RGL1: variants seen among roughly 807,000 people sequenced by gnomAD.
RGL1 encodes the protein ral guanine nucleotide dissociation stimulator like 1.
RGL1 carries 24 observed loss-of-function variants against 95.2 expected under a neutral mutation model. The observed-to-expected ratio is 0.25, with a 90% CI of 0.18 to 0.35. The LOEUF (loss-of-function observed/expected upper bound fraction) is 0.35. Among genes scored for constraint, RGL1 ranks in the 10% least tolerant of loss-of-function variants. The probability of loss-of-function intolerance (pLI) is 1.00; values close to 1 mark genes in which losing one functional copy is unlikely to be tolerated. For missense variants in RGL1, 715 were observed against 936.3 expected, an observed-to-expected ratio of 0.76 and a Z score of 3.08; for synonymous variants, 329 against 344.9, an observed-to-expected ratio of 0.95 and a Z score of 0.51.
At chr1:183,862,061 G>T (rs1366763799) in intron 3 of RGL1, among the ~76,000 whole-genome samples, 1 of 151,926 alleles carries the variant, frequency 6.6e-6, no homozygotes, top group Non-Finnish European at 1.5e-5. Context: ...TGCAGGGATG[G>T]CCTGGCATGT....
chr1:183,704,891 G>A (rs943563807), intron 1 of RGL1, among the ~76,000 whole-genome samples: 6 of 152,226 alleles, frequency 3.9e-5, no homozygotes, highest in African/African-American at 1.4e-4. Context: ...AGGCAGGCAG[G>A]CCATCCAAGA....
At position 183,795,234 on chromosome 1, in the gene RGL1, G is replaced by T. The variant is rs202083622; in HGVS notation, c.133-11141G>T. ...ATTATTTATTGAGCATCTGCTATGT[G>T]CTAGGCACAGTGTGAGGTGCTAGAA... On this transcript the variant is annotated intron_variant, in intron 2 of 18. Transcript: ENST00000304685. Among the ~76,000 whole-genome samples, 3 of 152,218 alleles carry T rather than the reference G, an allele frequency of 2.0e-5. No individual in the cohort carries two copies. The East Asian group carries it at 5.8e-4, about 29-fold the overall frequency.
intron 7 of RGL1, among the ~76,000 whole-genome samples, chr1:183,886,242 T>C (rs958337638): frequency 1.3e-5 from 2 of 152,176 alleles, no homozygotes; most frequent in African/African-American, 4.8e-5. Flanking sequence ...TAGTGTATTA[T>C]GAAAGTCAGC....
intron 1 of RGL1, among the ~76,000 whole-genome samples, chr1:183,719,793 C>T (rs1655887054): frequency 6.6e-6 from 1 of 152,116 alleles, no homozygotes. Context: ...GTAATTCCAG[C>T]TACTCAGGGG....
intron 4 of RGL1, among the ~76,000 whole-genome samples, chr1:183,873,423 G>A (rs1666303076): frequency 6.6e-6 from 1 of 152,148 alleles, no homozygotes; most frequent in Admixed American, 6.5e-5. Context: ...TCACTTTATA[G>A]GATATAAAGT....
chr1:183,843,823 T>G (rs1270921075), intron 2 of RGL1, among the ~76,000 whole-genome samples: 1 of 151,778 alleles, frequency 6.6e-6, no homozygotes, highest in East Asian at 1.9e-4. Context: ...ATTTTCATGT[T>G]TTTTTTTGTT....
At position 183,866,028 on chromosome 1, in the gene RGL1, A is replaced by G; in HGVS notation, c.380A>G (p.Glu127Gly). The part of the protein sequence containing the change: ...YGNLTSPNCE[E>G]DGSQSSSESK... Reference sequence around the variant, plus strand: ...AACCTGACAAGCCCAAACTGTGAAGAAGATGGAAGCCAAAGTTCATCAGAG... The same window carrying G: ...AACCTGACAAGCCCAAACTGTGAAGGAGATGGAAGCCAAAGTTCATCAGAG... Residue 127 changes from glutamate (E) to glycine (G), a missense_variant, in exon 4 of 18, where the codon GAA (glutamate) becomes GGA (glycine). Glu to Gly is a moderately conservative substitution (Grantham distance 98, BLOSUM62 -2). Around this residue, in one of 3 missense-constraint regions of RGL1, gnomAD observed 381 missense variants for 484.8 expected, o/e 0.79. Coordinates refer to ENST00000360851, the MANE Select transcript of RGL1 (RefSeq NM_001297671.3). 4.3e-6 allele frequency: 7 copies of G among 1,614,030 alleles called. No individual in the cohort carries two copies. The highest frequency in any genetic ancestry group is 5.9e-6 in the Non-Finnish European group (7 of 1,179,936).
At chr1:183,665,055 C>A (rs954963982) in intron 1 of RGL1, among the ~76,000 whole-genome samples, 1 of 151,920 alleles carries the variant, frequency 6.6e-6, no homozygotes, top group Non-Finnish European at 1.5e-5. Flanking sequence ...CCTGTCTATT[C>A]CTAGTTTGCA....
At chr1:183,921,533 T>G (rs1669308604) in intron 16 of RGL1, among the ~76,000 whole-genome samples, 1 of 152,238 alleles carries the variant, frequency 6.6e-6, no homozygotes, top group South Asian at 2.1e-4. Flanking sequence ...TTTGTGAGAT[T>G]CACCTGCATT....
At position 183,926,792 on chromosome 1, in the gene RGL1, T is replaced by C. The variant is rs1669640371; in HGVS notation, c.*500T>C. 6.6e-6 allele frequency: 1 copy of C among 152,642 alleles called. No individual in the cohort carries two copies. Among genetic ancestry groups the C allele is most frequent in the South Asian group, 2.1e-4 (1 of 4,828 alleles). The allele number at this position is 152,642 out of a possible 1,614,324, so 9.5% of individuals were successfully genotyped here. A position where few individuals can be genotyped will look rare whatever the true frequency, so the allele number is the denominator to read the frequency against. On this transcript the variant is annotated 3_prime_UTR_variant, in exon 18 of 18. Transcript: ENST00000360851. ...CCAGTATTACAAGAAGCCCAAACTT[T>C]ATTTTTATAAAGGGAGAGGATGACT...
intron 2 of RGL1, among the ~76,000 whole-genome samples, chr1:183,746,889 G>C (rs942562067): frequency 1.3e-5 from 2 of 152,040 alleles, no homozygotes; most frequent in Non-Finnish European, 1.5e-5. Context: ...CCACTTATGA[G>C]TGAGAACATG....
intron 3 of RGL1, among the ~76,000 whole-genome samples, chr1:183,859,845 C>A (rs914138087): frequency 5.9e-5 from 9 of 152,186 alleles, no homozygotes; most frequent in African/African-American, 2.2e-4. Flanking sequence ...CAAGACCTTT[C>A]CAAGGTAGGC....
chr1:183,664,213 T>TAA (rs771798734), intron 1 of RGL1, among the ~76,000 whole-genome samples: 21 of 130,274 alleles, frequency 1.6e-4, no homozygotes, highest in Non-Finnish European at 2.5e-4. Flanking sequence ...TAAAGTATAA[T>TAA]AATAATAAAA....
intron 5 of RGL1, among the ~76,000 whole-genome samples, chr1:183,882,582 C>T (rs1312193308): frequency 1.3e-5 from 2 of 152,146 alleles, no homozygotes; most frequent in Admixed American, 6.5e-5. Flanking sequence ...TCGCAGACTC[C>T]GGGGATAGGC....
At chr1:183,705,757 G>A (rs775184664) in intron 1 of RGL1, among the ~76,000 whole-genome samples, 5 of 152,196 alleles carry the variant, frequency 3.3e-5, no homozygotes, top group Non-Finnish European at 5.9e-5. Flanking sequence ...CTTGGTTAAT[G>A]AGCCTGAGGT....
intron 15 of RGL1, among the ~76,000 whole-genome samples, chr1:183,914,160 C>T (rs1353034690): frequency 6.6e-6 from 1 of 152,122 alleles, no homozygotes; most frequent in Non-Finnish European, 1.5e-5. Flanking sequence ...GGGATTTCTC[C>T]CTGTCTCTCC....
chr1:183,805,167 T>A lies in RGL1; in HGVS notation c.-131T>A. On this transcript the variant is annotated 5_prime_UTR_variant, in exon 1 of 18. Transcript: ENST00000360851. ...GCGGCGGCGGGGGCAGCGCGGCGCG[T>A]GTCTGTGCGCTGCGGTCGCTCGGGA... is the stretch of plus-strand genomic sequence containing the variant. 8.0e-7 allele frequency: 1 copy of A among 1,252,304 alleles called. No homozygotes were observed. Among genetic ancestry groups the A allele is most frequent in the South Asian group, 2.1e-5 (1 of 47,914 alleles). 77.6% of individuals were successfully genotyped at this position (1,252,304 alleles called of 1,614,324 possible). A position where few individuals can be genotyped will look rare whatever the true frequency, so the allele number is the denominator to read the frequency against.
Position 183,708,111 on chromosome 1 carries a change from G to A in RGL1, c.-32-34015G>A, listed in dbSNP as rs1021021733. 6.6e-4 allele frequency among the ~76,000 whole-genome samples: 101 copies of A among 152,226 alleles called. 1 individual carries two copies. Among genetic ancestry groups the A allele is most frequent in the African/African-American group, 2.3e-3 (95 of 41,524 alleles). Reference sequence around the variant, plus strand: ...GACCTGTTATGTAATTCGTACTGTGGCCAGATTGAATTGCAAAAAAAGACA... The same window carrying A: ...GACCTGTTATGTAATTCGTACTGTGACCAGATTGAATTGCAAAAAAAGACA... On this transcript the variant is annotated intron_variant, in intron 1 of 18. Coordinates refer to the RGL1 transcript ENST00000304685.
chr1:183,900,113 T>A (rs763818506), intron 10 of RGL1, 37 bp from the exon 11 acceptor site: 1 of 1,560,414 alleles, frequency 6.4e-7, no homozygotes, highest in Non-Finnish European at 8.8e-7. Flanking sequence ...AACTTTTCAA[T>A]GACAATAAAG....
Sources: gnomAD v4.1 joint callset for allele counts (sites outside exome capture counted in the v4.1 genomes callset) on GRCh38, gnomAD v4.1.1 for gene constraint, gnomAD v4.1.1 regional missense constraint, MANE v1.5 for transcripts, NCBI Gene and HGNC (gene_info 2026-07-23, HGNC 2026-07-21) for gene names.